Variants in VAT1L observed in about 807,000 individuals in gnomAD.
The protein encoded by VAT1L is putative NADPH-dependent quinone oxidoreductase VAT1L.
Under a neutral mutation model 44.1 loss-of-function variants are expected in VAT1L, and 34 were observed. That is an observed-to-expected ratio of 0.77 (90% CI 0.59 to 1.03). VAT1L has a LOEUF of 1.03. Ranked by LOEUF, VAT1L falls within the 50% of genes least tolerant of loss-of-function variation. VAT1L has a pLI of 0.00. For synonymous variants in VAT1L, 253 were observed against 202.2 expected (o/e 1.25, Z -2.13); for missense variants, 615 against 538.8 (o/e 1.14, Z -1.40).
chr16:77,846,101 T>C (rs2016755956), intron 3 of VAT1L, among the ~76,000 whole-genome samples: 1 of 152,196 alleles, frequency 6.6e-6, no homozygotes, highest in African/African-American at 2.4e-5. Context: ...TCAAATTAAA[T>C]GGATGAACTT....
chr16:77,854,142 A>C (rs936309724), intron 3 of VAT1L, among the ~76,000 whole-genome samples: 2 of 152,090 alleles, frequency 1.3e-5, no homozygotes, highest in East Asian at 3.9e-4. Context: ...GAAAAAAAAA[A>C]AATTGCCCAT....
intron 7 of VAT1L, among the ~76,000 whole-genome samples, chr16:77,891,959 C>G (rs946603264): frequency 1.3e-5 from 2 of 152,146 alleles, no homozygotes; most frequent in African/African-American, 4.8e-5. Flanking sequence ...GTAGTCCCAG[C>G]TACTCGGGGG....
At chr16:77,975,212 T>C (rs1319733626) in intron 8 of VAT1L, among the ~76,000 whole-genome samples, 3 of 134,462 alleles carry the variant, frequency 2.2e-5, no homozygotes, top group African/African-American at 8.7e-5. Flanking sequence ...TTTTTTTTTT[T>C]TTTTTTTTTT....
At chr16:77,821,491 C>T (rs2016452930) in intron 2 of VAT1L, among the ~76,000 whole-genome samples, 1 of 152,024 alleles carries the variant, frequency 6.6e-6, no homozygotes, top group Non-Finnish European at 1.5e-5. Context: ...AAGAGTTTCA[C>T]CATGTTGGCC....
At chr16:77,961,805 C>G (rs2018162978) in intron 7 of VAT1L, among the ~76,000 whole-genome samples, 1 of 152,206 alleles carries the variant, frequency 6.6e-6, no homozygotes. Context: ...CCTCCACTAT[C>G]AGCTGTGTGA....
chr16:77,813,124 G>A (rs2016293231), intron 1 of VAT1L, among the ~76,000 whole-genome samples: 1 of 151,920 alleles, frequency 6.6e-6, no homozygotes, highest in Non-Finnish European at 1.5e-5. Context: ...AACTGTAATT[G>A]TGCAAAACAG....
intron 7 of VAT1L, among the ~76,000 whole-genome samples, chr16:77,908,176 T>A (rs2017458165): frequency 6.6e-6 from 1 of 151,230 alleles, no homozygotes; most frequent in East Asian, 2.0e-4. Flanking sequence ...GAGGTGGAGC[T>A]TGCAGTGAGC....
In VAT1L at chr16:77,913,450, C is replaced by A. The variant is rs549553127; in HGVS notation, c.1077+28648C>A. Among the ~76,000 whole-genome samples, 3 of 151,748 alleles carry A rather than the reference C, an allele frequency of 2.0e-5. No individual in the cohort carries two copies. In the East Asian group the frequency reaches 5.8e-4, roughly 30 times the overall value. On this transcript the variant is annotated intron_variant, in intron 7 of 8. Coordinates refer to ENST00000302536, the MANE Select transcript of VAT1L (RefSeq NM_020927.3). Reference sequence around the variant, plus strand: ...CCACTCTTGTCAAAGTCAACAGGGACCCCCCTCCCCCAACAAAGTTAAATC... The same window carrying A: ...CCACTCTTGTCAAAGTCAACAGGGAACCCCCTCCCCCAACAAAGTTAAATC...
intron 8 of VAT1L, 82 bp from the exon 9 acceptor site, chr16:77,977,515 C>G: frequency 7.0e-7 from 1 of 1,419,116 alleles, no homozygotes; most frequent in Non-Finnish European, 9.7e-7. Flanking sequence ...CCAAGAAGTC[C>G]TCCCATAGGA....
intron 1 of VAT1L, among the ~76,000 whole-genome samples, chr16:77,802,145 G>C (rs1339111623): frequency 1.3e-5 from 2 of 152,174 alleles, no homozygotes; most frequent in South Asian, 2.1e-4. Flanking sequence ...TCCTCAGCCA[G>C]CAGCACATGT....
intron 1 of VAT1L, chr16:77,801,729 AAAG>A (rs1254992094): frequency 2.0e-5 from 3 of 151,708 alleles, no homozygotes; most frequent in Admixed American, 2.0e-4. Flanking sequence ...AAAAAAAAAA[AAAG>A]CATCCCTCAT....
chr16:77,937,502 T>C (rs571379386), intron 7 of VAT1L, among the ~76,000 whole-genome samples: 22 of 152,352 alleles, frequency 1.4e-4, no homozygotes, highest in Admixed American at 1.0e-3. Context: ...CTACCTCCCT[T>C]TGTGGCCGAG....
intron 7 of VAT1L, among the ~76,000 whole-genome samples, chr16:77,952,483 G>C (rs935643191): frequency 6.6e-6 from 1 of 151,866 alleles, no homozygotes; most frequent in Admixed American, 6.6e-5. Context: ...GCCTGCATCT[G>C]CTTTTGCCAT....
At chr16:77,792,020 C>A (rs1460362880) in intron 1 of VAT1L, among the ~76,000 whole-genome samples, 2 of 152,184 alleles carry the variant, frequency 1.3e-5, no homozygotes, top group Non-Finnish European at 2.9e-5. Flanking sequence ...CTCATCTCTT[C>A]CTATCCATAT....
chr16:77,809,748 A>G (rs2016232552), intron 1 of VAT1L, among the ~76,000 whole-genome samples: 1 of 152,244 alleles, frequency 6.6e-6, no homozygotes. Context: ...CGAGTTTACT[A>G]CATGTGACTT....
At chr16:77,903,402 C>T (rs1481196037) in intron 7 of VAT1L, among the ~76,000 whole-genome samples, 1 of 152,160 alleles carries the variant, frequency 6.6e-6, no homozygotes, top group Non-Finnish European at 1.5e-5. Flanking sequence ...GTTAGTACCT[C>T]ATATAATACA....
intron 1 of VAT1L, among the ~76,000 whole-genome samples, chr16:77,798,300 G>T (rs746941104): frequency 6.6e-6 from 1 of 152,184 alleles, no homozygotes; most frequent in African/African-American, 2.4e-5. Context: ...TAGGCTTCTT[G>T]GTTATAAAGT....
At chr16:77,831,186 A>G (rs1272812427) in intron 3 of VAT1L, among the ~76,000 whole-genome samples, 1 of 152,216 alleles carries the variant, frequency 6.6e-6, no homozygotes, top group African/African-American at 2.4e-5. Flanking sequence ...GTGGGGGGAC[A>G]CTAGGCAAAG....
rs903611780 is a variant in VAT1L at position 77,802,929 on chromosome 16, C to T, written c.234-13992C>T. On this transcript the variant is annotated intron_variant, in intron 1 of 8. Transcript: ENST00000302536. Reference sequence around the variant, plus strand: ...GGCCTTTGATCTTCTCAGTTTCCTTCTCACCATCACGGCAGCGGACACAGC... The same window carrying T: ...GGCCTTTGATCTTCTCAGTTTCCTTTTCACCATCACGGCAGCGGACACAGC... 7.2e-5 allele frequency among the ~76,000 whole-genome samples: 11 copies of T among 152,086 alleles called. No homozygotes were observed. The East Asian group carries it at 9.7e-4, about 13-fold the overall frequency.
Sources: gnomAD v4.1 joint callset for allele counts (sites outside exome capture counted in the v4.1 genomes callset) on GRCh38, gnomAD v4.1.1 for gene constraint, MANE v1.5 for transcripts, NCBI Gene and HGNC (gene_info 2026-07-23, HGNC 2026-07-21) for gene names.